MPPED2: variants seen among roughly 807,000 people sequenced by gnomAD.
MPPED2 encodes the protein metallophosphoesterase domain containing 2.
In MPPED2, 5 loss-of-function variants were observed where a neutral mutation model predicts 33.0. The ratio of observed to expected loss-of-function variants is 0.15; its 90% CI spans 0.08 to 0.32. The LOEUF (loss-of-function observed/expected upper bound fraction) is 0.32, where lower values mean the gene tolerates loss of function less well. Among genes scored for constraint, MPPED2 ranks in the 10% least tolerant of loss-of-function variants. The pLI, the probability that MPPED2 is intolerant of heterozygous loss-of-function variation, is 1.00. For synonymous variants in MPPED2, 136 were observed against 141.9 expected (o/e 0.96, Z 0.29); for missense variants, 275 against 372.1 (o/e 0.74, Z 2.15).
chr11:30,524,561 G>T (rs866962990), intron 3 of MPPED2, among the ~76,000 whole-genome samples: 1 of 152,182 alleles, frequency 6.6e-6, no homozygotes, highest in Non-Finnish European at 1.5e-5. Context: ...GTGTTGTGAG[G>T]ATTAAATGAG....
At chr11:30,468,942 A>G (rs1950835334) in intron 4 of MPPED2, 1 of 152,136 alleles carries the variant, frequency 6.6e-6, no homozygotes, top group African/African-American at 2.4e-5. Context: ...TTCCCCACTT[A>G]CCTTCCTTAT....
At chr11:30,571,920 A>C (rs1345645965) in intron 2 of MPPED2, among the ~76,000 whole-genome samples, 8 of 152,162 alleles carry the variant, frequency 5.3e-5, no homozygotes, top group African/African-American at 1.7e-4. Context: ...CACTTGAATA[A>C]TTTTTACCAA....
At chr11:30,470,148 TA>T (rs1277569974) in intron 4 of MPPED2, among the ~76,000 whole-genome samples, 1 of 152,130 alleles carries the variant, frequency 6.6e-6, no homozygotes, top group African/African-American at 2.4e-5. Context: ...AAGGTACACA[TA>T]GGATGGTCCA....
At chr11:30,507,570 G>C (rs1390859424) in intron 3 of MPPED2, among the ~76,000 whole-genome samples, 2 of 152,168 alleles carry the variant, frequency 1.3e-5, no homozygotes, top group Admixed American at 6.5e-5. Context: ...AAACCCCTCA[G>C]AGAAGGTTAT....
chr11:30,528,858 T>C (rs1007894651), intron 3 of MPPED2, among the ~76,000 whole-genome samples: 2 of 152,202 alleles, frequency 1.3e-5, no homozygotes, highest in Non-Finnish European at 2.9e-5. Flanking sequence ...GAGAGTATCA[T>C]GGAGAAATTG....
exon 7 of MPPED2, chr11:30,386,605 C>A (rs1377155867): frequency 7.5e-6 from 3 of 397,498 alleles, no homozygotes; most frequent in Admixed American, 4.4e-5. Flanking sequence ...TGACTGTTTT[C>A]CCAGCACCTA....
intron 5 of MPPED2, among the ~76,000 whole-genome samples, chr11:30,414,633 C>T (rs1948261593): frequency 6.6e-6 from 1 of 151,782 alleles, no homozygotes; most frequent in Non-Finnish European, 1.5e-5. Flanking sequence ...TCTTCATGAG[C>T]TCAATGACAT....
rs116370979 is a variant in MPPED2, at chr11:30,555,353, C to A, written c.129-19178G>T. On this transcript the variant is annotated intron_variant, in intron 2 of 6. Coordinates refer to ENST00000358117, the MANE Select transcript of MPPED2 (RefSeq NM_001584.3). ...GAAAATGAGACCCAGATATTAATAT[C>A]AAAGTGTGAGTCAGTGGCAAGGCTG... Among the ~76,000 whole-genome samples the A allele has an allele frequency of 4.8e-3, 730 of 152,236 alleles. 9 individuals are homozygous for A. Among genetic ancestry groups the A allele is most frequent in the African/African-American group, 0.017 (712 of 41,548 alleles).
At chr11:30,512,048 G>T (rs901492329) in intron 3 of MPPED2, among the ~76,000 whole-genome samples, 56 of 152,164 alleles carry the variant, frequency 3.7e-4, no homozygotes, top group African/African-American at 1.3e-3. Flanking sequence ...ATTATTATAG[G>T]GAATTGGACT....
At chr11:30,424,125 A>G (rs1206859085) in intron 4 of MPPED2, among the ~76,000 whole-genome samples, 1 of 152,362 alleles carries the variant, frequency 6.6e-6, no homozygotes, top group South Asian at 2.1e-4. Context: ...ACGGTTAGTC[A>G]AGGCTGCTTA....
At chr11:30,424,722 G>A (rs925251513) in intron 4 of MPPED2, among the ~76,000 whole-genome samples, 4 of 152,080 alleles carry the variant, frequency 2.6e-5, no homozygotes, top group Non-Finnish European at 5.9e-5. Context: ...TGTTTAGGAA[G>A]GCCATGTACC....
intron 4 of MPPED2, among the ~76,000 whole-genome samples, chr11:30,450,276 C>T (rs1390363596): frequency 2.6e-5 from 4 of 152,194 alleles, no homozygotes; most frequent in African/African-American, 7.2e-5. Context: ...GCCTAAAACC[C>T]GCCCTCATGG....
chr11:30,427,772 G>A (rs4141920), intron 4 of MPPED2, among the ~76,000 whole-genome samples: 58,231 of 152,036 alleles, frequency 0.38, 12,207 homozygotes, highest in East Asian at 0.49. Context: ...TATCTCTGGG[G>A]GTGAAGGGAG....
chr11:30,539,545 A>G (rs957433095), intron 2 of MPPED2, among the ~76,000 whole-genome samples: 52 of 152,184 alleles, frequency 3.4e-4, no homozygotes, highest in Non-Finnish European at 6.3e-4. Context: ...TTTACATGAC[A>G]TCTGAATCTC....
At chr11:30,480,497 A>C (rs561725994) in intron 4 of MPPED2, among the ~76,000 whole-genome samples, 185 of 152,266 alleles carry the variant, frequency 1.2e-3, no homozygotes, top group African/African-American at 4.3e-3. Flanking sequence ...AGTTCTGTAC[A>C]AGACATAATA....
Position 30,459,555 on chromosome 11 carries a change from G to A in MPPED2, c.536+35741C>T, listed in dbSNP as rs576666620. Among the ~76,000 whole-genome samples, 44 of 152,324 alleles carry A rather than the reference G, an allele frequency of 2.9e-4. 3 individuals carry two copies. The South Asian group carries it at 8.9e-3, about 31-fold the overall frequency. ...AAGATGAAAGCCATGGTAGCGCCTT[G>A]AGGTCACATGATAAGGGGAGGCCTT... On this transcript the variant is annotated intron_variant, in intron 4 of 6. Transcript: ENST00000358117.
chr11:30,537,000 C>T (rs984861514), intron 2 of MPPED2, among the ~76,000 whole-genome samples: 21 of 152,226 alleles, frequency 1.4e-4, no homozygotes, highest in South Asian at 2.1e-4. Flanking sequence ...GACCTAAGCA[C>T]TGTGAAATTA....
chr11:30,420,186 A>AC (rs753625285), intron 4 of MPPED2, among the ~76,000 whole-genome samples: 1 of 152,178 alleles, frequency 6.6e-6, no homozygotes, highest in Non-Finnish European at 1.5e-5. Flanking sequence ...GCCCAGTGTA[A>AC]CCCCAAGGGT....
At chr11:30,438,103 C>T (rs1003918665) in intron 4 of MPPED2, among the ~76,000 whole-genome samples, 1 of 152,182 alleles carries the variant, frequency 6.6e-6, no homozygotes, top group Non-Finnish European at 1.5e-5. Context: ...GTGCCTGACA[C>T]ACCATAAGCG....
Sources: allele counts gnomAD v4.1 joint callset (sites outside exome capture counted in the v4.1 genomes callset), GRCh38; gene constraint gnomAD v4.1.1; transcripts MANE v1.5; gene names NCBI Gene and HGNC (gene_info 2026-07-23, HGNC 2026-07-21).